Variants in FGFR1 observed in about 807,000 individuals in gnomAD.
FGFR1 encodes the protein FGFR1/PLAG1 fusion.
Under a neutral mutation model 93.7 loss-of-function variants are expected in FGFR1, and 18 were observed. That is an observed-to-expected ratio of 0.19 (90% CI 0.13 to 0.28). The LOEUF (loss-of-function observed/expected upper bound fraction) is 0.28, where lower values mean the gene tolerates loss of function less well. Ranked by LOEUF, FGFR1 falls within the 10% of genes least tolerant of loss-of-function variation. The pLI is 1.00. For missense variants in FGFR1, 731 were observed against 1,080.4 expected, an observed-to-expected ratio of 0.68 and a Z score of 4.53; for synonymous variants, 448 against 429.3, an observed-to-expected ratio of 1.04 and a Z score of -0.54.
chr8:38,413,053 C>A lies in FGFR1; in HGVS notation c.*575G>T. 1 of 237,950 alleles carries A rather than the reference C, an allele frequency of 4.2e-6. No homozygotes were observed. The highest frequency in any genetic ancestry group is 5.4e-5 in the Admixed American group (1 of 18,660). 14.7% of individuals were successfully genotyped at this position (237,950 alleles called of 1,614,324 possible). ...GGCCCCAGGGCCACAACACTGCCCC[C>A]AACCTGGCCTTCGCCTCACCATCCT... On this transcript the variant is annotated 3_prime_UTR_variant, in exon 18 of 18. Coordinates refer to ENST00000447712, the MANE Select transcript of FGFR1 (RefSeq NM_023110.3). This position sits in a 1 kb window ranked among gnomAD's most constrained non-coding sequence, Gnocchi z 4.2.
rs1243811914 is a variant in FGFR1 at position 38,418,391 on chromosome 8, G to C, written c.1285-18C>G. 6.2e-7 allele frequency: 1 copy of C among 1,611,876 alleles called. No individual in the cohort carries two copies. Among genetic ancestry groups the C allele is most frequent in the Non-Finnish European group, 8.5e-7 (1 of 1,178,962 alleles). On this transcript the variant is annotated intron_variant, in intron 9 of 17. Transcript: ENST00000447712. ...GCAGACACCTGCAAGGAAGAGTGGG[G>C]TCACCCTAGAGCAAGGAGGGGGGAC...
rs1412474026 is a variant in FGFR1, at chr8:38,413,106, C to T, written c.*522G>A. 1.7e-5 allele frequency: 4 copies of T among 239,864 alleles called. No homozygotes were observed. Among genetic ancestry groups the T allele is most frequent in the Non-Finnish European group, 3.3e-5 (4 of 122,020 alleles). 14.9% of individuals were successfully genotyped at this position (239,864 alleles called of 1,614,324 possible). ...GGTACCAGGCATTTGGTCAGCAAAG[C>T]AAACTAGTATCGGAATTAATAAGCC... On this transcript the variant is annotated 3_prime_UTR_variant, in exon 18 of 18. Coordinates refer to ENST00000447712, the MANE Select transcript of FGFR1 (RefSeq NM_023110.3). This position sits in a 1 kb window ranked among gnomAD's most constrained non-coding sequence, Gnocchi z 4.2.
At chr8:38,417,258 A>T (rs376682555) in intron 12 of FGFR1, 48 bp downstream of exon 12, 46 of 1,452,540 alleles carry the variant, frequency 3.2e-5, no homozygotes, top group Non-Finnish European at 4.1e-5. Context: ...ACCCCAGCTC[A>T]GATCTTCTCC....
intron 2 of FGFR1, among the ~76,000 whole-genome samples, chr8:38,443,711 AAT>A (rs911660710): frequency 6.6e-6 from 1 of 151,910 alleles, no homozygotes; most frequent in South Asian, 2.1e-4. Flanking sequence ...AAAAAATAAA[AAT>A]AGTTAAAATG....
At chr8:38,464,854 A>T (rs1300669263) in intron 1 of FGFR1, among the ~76,000 whole-genome samples, 1 of 152,204 alleles carries the variant, frequency 6.6e-6, no homozygotes, top group Admixed American at 6.5e-5. Context: ...TTGACGAAAG[A>T]CACTTTAGAA....
intron 11 of FGFR1, 80 bp from the exon 12 acceptor site, chr8:38,417,496 G>A (rs17182408): frequency 1.7e-6 from 2 of 1,203,972 alleles, no homozygotes; most frequent in African/African-American, 1.5e-5. Context: ...GGTATGTGTC[G>A]AGGGGCTGCT....
At chr8:38,432,752 C>T (rs967601505) in intron 2 of FGFR1, among the ~76,000 whole-genome samples, 3 of 152,140 alleles carry the variant, frequency 2.0e-5, no homozygotes, top group African/African-American at 7.2e-5. Flanking sequence ...TGCTTCCAAG[C>T]TGTCATGTGC....
chr8:38,413,767 G>A lies in FGFR1; in HGVS notation c.2330C>T (p.Ser777Phe), dbSNP rs1213419262. The A allele has an allele frequency of 2.5e-6, 4 of 1,614,030 alleles. No homozygotes were observed. The highest frequency in any genetic ancestry group is 3.4e-6 in the Non-Finnish European group (4 of 1,180,020). The change falls in exon 18 of 18, where the codon TCC becomes TTC. Residue 777 changes from serine to phenylalanine, a missense_variant. Physicochemically the swap from Ser to Phe is radical, Grantham distance 155. Transcript: ENST00000447712. The surrounding 1 kb of genome is among the most constrained non-coding windows in gnomAD (Gnocchi z 4.2). ...GCTCCGGGTGTCGGGAAAGCTGGGG[G>A]AGTACTGGTCCAGGGGCATGGACAG... Reference protein sequence around the residue: ...LDLSMPLDQYSPSFPDTRSST... With the variant: ...LDLSMPLDQYFPSFPDTRSST...
intron 2 of FGFR1, among the ~76,000 whole-genome samples, chr8:38,454,252 C>T (rs746944118): frequency 3.3e-5 from 5 of 151,910 alleles, no homozygotes; most frequent in Non-Finnish European, 7.4e-5. Context: ...ATACTCATCC[C>T]GTCGGGCTGG....
rs762961614 is a variant in FGFR1 at position 38,426,187 on chromosome 8, T to C, written c.680A>G (p.Asn227Ser). The change falls in exon 6 of 18, where the codon AAC (asparagine) becomes AGC (serine). Residue 227 changes from asparagine (N) to serine (S), a missense_variant. Asn to Ser is a conservative substitution (Grantham distance 46). Around this residue, in one of 10 missense-constraint regions of FGFR1, gnomAD observed 109 missense variants for 249.4 expected, o/e 0.44. Coordinates refer to ENST00000447712, the MANE Select transcript of FGFR1 (RefSeq NM_023110.3). This position sits in a 1 kb window ranked among gnomAD's most constrained non-coding sequence, Gnocchi z 4.1. ...CTCATTCTCCACAATGCAGGTGTAG[T>C]TGCCCTTGTCAGAGGGCACCACAGA... ...MDSVVPSDKG[N>S]YTCIVENEYG... 1.2e-6 allele frequency: 2 copies of C among 1,614,176 alleles called. No homozygotes were observed. The highest frequency in any genetic ancestry group is 1.7e-6 in the Non-Finnish European group (2 of 1,180,014).
chr8:38,417,722 C>A, intron 11 of FGFR1, 148 bp downstream of exon 11: 1 of 1,098,098 alleles, frequency 9.1e-7, no homozygotes. Flanking sequence ...GTGCAGAACA[C>A]CCCCTCCACT....
At chr8:38,448,589 C>G (rs1301197474) in intron 2 of FGFR1, among the ~76,000 whole-genome samples, 7 of 152,166 alleles carry the variant, frequency 4.6e-5, no homozygotes, top group Admixed American at 2.0e-4. Context: ...GAACTTTGCT[C>G]TAGTGGAGTA....
rs2150711764 is a variant in FGFR1 at position 38,419,665 on chromosome 8, G to A, written c.1152C>T (p.Ala384=). ...YLEIIIYCTG[A]FLISCMVGSV... Reference sequence around the variant, plus strand: ...ACCCCACCATGCAGGAGATGAGGAAGGCCCCTGTGCAATAGATGATGATCT... The same window carrying A: ...ACCCCACCATGCAGGAGATGAGGAAAGCCCCTGTGCAATAGATGATGATCT... The change falls in exon 9 of 18, where the codon GCC becomes GCT. Residue 384 remains alanine (A), a synonymous_variant. Transcript: ENST00000447712. 6.2e-7 allele frequency: 1 copy of A among 1,614,098 alleles called. No individual in the cohort carries two copies. The highest frequency in any genetic ancestry group is 8.5e-7 in the Non-Finnish European group (1 of 1,180,012).
chr8:38,431,044 A>G (rs932785273), intron 2 of FGFR1, among the ~76,000 whole-genome samples: 4 of 151,876 alleles, frequency 2.6e-5, no homozygotes, highest in Non-Finnish European at 5.9e-5. Flanking sequence ...CCTCTCACCT[A>G]CCACCCACAT....
chr8:38,457,099 A>C (rs2151333601), intron 2 of FGFR1, among the ~76,000 whole-genome samples: 1 of 152,270 alleles, frequency 6.6e-6, no homozygotes, highest in African/African-American at 2.4e-5. Flanking sequence ...ATTACCCCCC[A>C]CAAACATGTC....
rs1301899191 is a variant in FGFR1, at chr8:38,429,827, C to T, written c.213G>A (p.Val71=). The T allele has an allele frequency of 6.2e-7, 1 of 1,613,930 alleles. No homozygotes were observed. The highest frequency in any genetic ancestry group is 2.2e-5 in the East Asian group (1 of 44,872). ...VQSINWLRDG[V]QLAESNRTRI... is the part of the protein sequence containing the mutation. ...GGGTGCGGTTGCTTTCCGCCAGCTG[C>T]ACCCCGTCCCGCAGCCAGTTGATGC... The change falls in exon 3 of 18, where the codon GTG becomes GTA. Residue 71 remains valine (V), a synonymous_variant. Coordinates refer to ENST00000447712, the MANE Select transcript of FGFR1 (RefSeq NM_023110.3). The surrounding 1 kb of genome is among the most constrained non-coding windows in gnomAD (Gnocchi z 4.4).
chr8:38,436,738 A>G (rs1825589834), intron 2 of FGFR1, among the ~76,000 whole-genome samples: 3 of 152,060 alleles, frequency 2.0e-5, no homozygotes, highest in African/African-American at 7.2e-5. Flanking sequence ...GAAAGGACAG[A>G]GGCAGGGGTG....
intron 1 of FGFR1, among the ~76,000 whole-genome samples, chr8:38,465,260 T>C (rs376988696): frequency 9.2e-5 from 14 of 152,346 alleles, no homozygotes; most frequent in East Asian, 1.9e-4. Flanking sequence ...CACCCTAAGA[T>C]TGTTCAAGTG....
rs544882235 is a variant in FGFR1 at position 38,413,877 on chromosome 8, G to T, written c.2292+41C>A. 6.1e-5 allele frequency: 98 copies of T among 1,613,290 alleles called. No individual in the cohort carries two copies. The East Asian group carries it at 2.1e-3, about 35-fold the overall frequency. On this transcript the variant is annotated intron_variant, in intron 17 of 17. Coordinates refer to ENST00000447712, the MANE Select transcript of FGFR1 (RefSeq NM_023110.3). The surrounding 1 kb of genome is among the most constrained non-coding windows in gnomAD (Gnocchi z 4.2). ...GCTCAGGGAGGTGCGTGCACGCAGTGGGGACGGCCTGAGCTCTGGCTCTGG... is the reference window on the plus strand; with the variant it reads ...GCTCAGGGAGGTGCGTGCACGCAGTTGGGACGGCCTGAGCTCTGGCTCTGG...
Sources: allele counts gnomAD v4.1 joint callset (sites outside exome capture counted in the v4.1 genomes callset), GRCh38; gene constraint gnomAD v4.1.1; regional missense constraint gnomAD v4.1.1; non-coding constraint Gnocchi (gnomAD v3.1); transcripts MANE v1.5; gene names NCBI Gene and HGNC (gene_info 2026-07-23, HGNC 2026-07-21).